The following PRELID2 variants were observed in gnomAD, a reference collection of about 807,000 sequenced individuals.
PRELID2 encodes the protein PRELI domain containing 2.
PRELID2 carries 25 observed loss-of-function variants against 28.4 expected under a neutral mutation model. The observed-to-expected ratio is 0.88, with a 90% CI of 0.64 to 1.23. The LOEUF is 1.23. Ranked by LOEUF, PRELID2 falls within the 50% of genes most tolerant of loss-of-function variation. PRELID2 has a pLI of 0.00. For missense variants in PRELID2, 201 were observed against 214.4 expected (o/e 0.94, Z 0.39); for synonymous variants, 76 against 71.6 (o/e 1.06, Z -0.31).
chr5:145,822,663 C>T (rs1208287020), intron 2 of PRELID2, among the ~76,000 whole-genome samples: 4 of 152,224 alleles, frequency 2.6e-5, no homozygotes, highest in Non-Finnish European at 5.9e-5. Flanking sequence ...AGTCACTTAA[C>T]TTCTCTGTAT....
intron 1 of PRELID2, among the ~76,000 whole-genome samples, chr5:145,567,111 A>C (rs1227913042): frequency 6.6e-6 from 1 of 152,174 alleles, no homozygotes; most frequent in Non-Finnish European, 1.5e-5. Context: ...CAATAAATAA[A>C]ATATCTCTTT....
At chr5:145,830,980 T>G (rs1000821863) in intron 1 of PRELID2, among the ~76,000 whole-genome samples, 2 of 152,194 alleles carry the variant, frequency 1.3e-5, no homozygotes, top group African/African-American at 4.8e-5. Context: ...AAACATACCA[T>G]TGTGCAAAAT....
intron 1 of PRELID2, among the ~76,000 whole-genome samples, chr5:145,593,851 G>A (rs1008387866): frequency 1.3e-5 from 2 of 152,170 alleles, no homozygotes; most frequent in African/African-American, 4.8e-5. Flanking sequence ...CATGAACTAT[G>A]ACCTTATTTG....
chr5:145,587,007 T>C (rs1297122748), intron 1 of PRELID2, among the ~76,000 whole-genome samples: 2 of 152,006 alleles, frequency 1.3e-5, no homozygotes, highest in African/African-American at 2.4e-5. Flanking sequence ...GTGAAACTAA[T>C]TGGTTATTGT....
chr5:145,455,908 T>A, the PRELID2 span, among the ~76,000 whole-genome samples: 1 of 152,154 alleles, frequency 6.6e-6, no homozygotes, highest in Admixed American at 6.5e-5. Context: ...GCCAGGTACC[T>A]CAGTTGGAAA....
At chr5:145,256,103 G>A in the PRELID2 span, among the ~76,000 whole-genome samples, 3 of 151,734 alleles carry the variant, frequency 2.0e-5, no homozygotes, top group Admixed American at 2.0e-4. Context: ...TAAAATCAAG[G>A]TGTCACCAAG....
chr5:145,420,483 T>C, the PRELID2 span, among the ~76,000 whole-genome samples: 8 of 146,342 alleles, frequency 5.5e-5, no homozygotes, highest in Admixed American at 2.1e-4. Flanking sequence ...TATTTTATTC[T>C]CTTTGAAGCA....
At chr5:145,581,265 C>T (rs1002553340) in intron 1 of PRELID2, among the ~76,000 whole-genome samples, 5 of 152,068 alleles carry the variant, frequency 3.3e-5, no homozygotes, top group African/African-American at 1.2e-4. Context: ...CTGTCCTCTG[C>T]CTTTCATAGA....
At chr5:145,751,845 G>A (rs901414598), downstream of PRELID2, among the ~76,000 whole-genome samples, 16 of 152,128 alleles carry the variant, frequency 1.1e-4, no homozygotes. Context: ...AGCTAGGCGT[G>A]GTGGCGGGTG....
chr5:145,503,193 T>A (rs1299601199), intron 1 of PRELID2, among the ~76,000 whole-genome samples: 1 of 152,212 alleles, frequency 6.6e-6, no homozygotes, highest in East Asian at 1.9e-4. Context: ...GAAAGCTCCA[T>A]GAGGAGTGAT....
chr5:145,477,666 C>A (rs1312379398), intron 1 of PRELID2, among the ~76,000 whole-genome samples: 13 of 152,120 alleles, frequency 8.5e-5, no homozygotes, highest in Admixed American at 5.2e-4. Flanking sequence ...AAGGTAAAAT[C>A]TACTATATAA....
At chr5:145,467,456 T>A (rs1353273756), downstream of PRELID2, among the ~76,000 whole-genome samples, 1 of 152,126 alleles carries the variant, frequency 6.6e-6, no homozygotes, top group Non-Finnish European at 1.5e-5. Flanking sequence ...AAAAAAAGAA[T>A]GAAAGGATTC....
chr5:145,520,809 A>C (rs1222473786), intron 1 of PRELID2, among the ~76,000 whole-genome samples: 2 of 152,208 alleles, frequency 1.3e-5, no homozygotes, highest in African/African-American at 4.8e-5. Context: ...TCATCCCTAG[A>C]AACTAGCACA....
intron 4 of PRELID2, among the ~76,000 whole-genome samples, chr5:145,814,459 G>A (rs900037760): frequency 8.5e-5 from 13 of 152,130 alleles, no homozygotes; most frequent in Non-Finnish European, 1.6e-4. Flanking sequence ...AAAAACTAGC[G>A]GGTGGTTCAG....
At chr5:145,516,785 CAGAT>C (rs1752520930) in intron 1 of PRELID2, among the ~76,000 whole-genome samples, 1 of 152,106 alleles carries the variant, frequency 6.6e-6, no homozygotes, top group Non-Finnish European at 1.5e-5. Flanking sequence ...GGTACCAAAA[CAGAT>C]ATATAGACCA....
chr5:145,299,833 C>A, the PRELID2 span, among the ~76,000 whole-genome samples: 1 of 152,056 alleles, frequency 6.6e-6, no homozygotes, highest in East Asian at 1.9e-4. Flanking sequence ...AACTGGAATC[C>A]TTCTATAAAG....
rs967316170 is a variant in PRELID2 at position 145,518,494 on chromosome 5, G to A, written n.71-45179C>T. 5.9e-5 allele frequency among the ~76,000 whole-genome samples: 9 copies of A among 152,188 alleles called. 1 individual carries two copies. The highest frequency in any genetic ancestry group is 3.4e-3 in the Middle Eastern group (1 of 294). On this transcript the variant is annotated intron_variant and non_coding_transcript_variant, in intron 1 of 2. Transcript: ENST00000510259. ...ATTACAGGCGTGAACCACCACGCCC[G>A]GCCATGAGTGCACGTTTGTACCTAT...
intron 1 of PRELID2, among the ~76,000 whole-genome samples, chr5:145,702,797 T>C (rs1755440398): frequency 6.6e-6 from 1 of 152,100 alleles, no homozygotes; most frequent in Non-Finnish European, 1.5e-5. Flanking sequence ...ACTCCCTACC[T>C]ACCAGGGCAC....
chr5:145,449,081 G>C, the PRELID2 span, among the ~76,000 whole-genome samples: 1 of 152,024 alleles, frequency 6.6e-6, no homozygotes, highest in Non-Finnish European at 1.5e-5. Context: ...TTATCCCCTC[G>C]TATTGAGTAA....
Sources: allele counts gnomAD v4.1 joint callset (sites outside exome capture counted in the v4.1 genomes callset), GRCh38; gene constraint gnomAD v4.1.1; transcripts MANE v1.5; gene names NCBI Gene and HGNC (gene_info 2026-07-23, HGNC 2026-07-21).